MYO16: variants seen among roughly 807,000 people sequenced by gnomAD.
MYO16 encodes the protein unconventional myosin-XVI.
In MYO16, 94 loss-of-function variants were observed where a neutral mutation model predicts 205.3. The observed-to-expected ratio is 0.46, with a 90% CI of 0.39 to 0.54. MYO16 has a LOEUF of 0.54. Among genes scored for constraint, MYO16 ranks in the 20% least tolerant of loss-of-function variants. The pLI is 0.00. For synonymous variants in MYO16, 988 were observed against 954.0 expected (o/e 1.04, Z -0.66); for missense variants, 2,315 against 2,387.5 (o/e 0.97, Z 0.63).
At chr13:108,636,947 G>A (rs1880280125) in intron 1 of MYO16, among the ~76,000 whole-genome samples, 1 of 152,102 alleles carries the variant, frequency 6.6e-6, no homozygotes, top group Non-Finnish European at 1.5e-5. Context: ...TGAAGTCTAG[G>A]ATGTGTAAAC....
chr13:109,103,062 C>T (rs1428876508), intron 28 of MYO16, among the ~76,000 whole-genome samples: 1 of 152,076 alleles, frequency 6.6e-6, no homozygotes. Context: ...TTTATACTAC[C>T]AGACAAATAA....
At chr13:108,904,495 A>G (rs1470322822) in intron 15 of MYO16, among the ~76,000 whole-genome samples, 1 of 152,202 alleles carries the variant, frequency 6.6e-6, no homozygotes, top group Non-Finnish European at 1.5e-5. Flanking sequence ...TCATCTGAGC[A>G]TGCAAAGAGG....
intron 27 of MYO16, among the ~76,000 whole-genome samples, chr13:109,079,816 GTTC>G (rs1241444089): frequency 6.6e-6 from 1 of 151,616 alleles, no homozygotes; most frequent in Non-Finnish European, 1.5e-5. Context: ...AGCACCTACA[GTTC>G]TTATTATGGA....
the MYO16 span, among the ~76,000 whole-genome samples, chr13:108,544,307 T>C: frequency 1.3e-5 from 2 of 152,180 alleles, no homozygotes; most frequent in African/African-American, 4.8e-5. Flanking sequence ...CGTAAAACCT[T>C]AGATATGAGA....
the MYO16 span, among the ~76,000 whole-genome samples, chr13:108,495,982 G>A: frequency 6.6e-6 from 1 of 152,136 alleles, no homozygotes; most frequent in African/African-American, 2.4e-5. Context: ...CGGCGGGGCA[G>A]CCTCTCCGAG....
the MYO16 span, among the ~76,000 whole-genome samples, chr13:108,559,474 T>C: frequency 3.0e-5 from 4 of 131,772 alleles, no homozygotes; most frequent in African/African-American, 5.8e-5. Flanking sequence ...TCTTTTCTTT[T>C]TTTTTTTTTT....
At chr13:108,521,353 T>A in the MYO16 span, among the ~76,000 whole-genome samples, 1 of 152,214 alleles carries the variant, frequency 6.6e-6, no homozygotes, top group African/African-American at 2.4e-5. Flanking sequence ...CAATACAGAC[T>A]ATATAAGATT....
chr13:108,580,702 G>T, the MYO16 span, among the ~76,000 whole-genome samples: 1 of 152,134 alleles, frequency 6.6e-6, no homozygotes, highest in Middle Eastern at 3.2e-3. Context: ...ATCTCTACAG[G>T]TGGAAGTGGA....
chr13:108,746,450 G>T (rs929993308), intron 4 of MYO16, among the ~76,000 whole-genome samples: 1 of 151,938 alleles, frequency 6.6e-6, no homozygotes, highest in South Asian at 2.1e-4. Context: ...ATAAGATGTA[G>T]AATTTAATAG....
At position 109,140,460 on chromosome 13, in the gene MYO16, C is replaced by T. The variant is rs749112967; in HGVS notation, c.4248C>T (p.Cys1416=). 5 of 1,538,110 alleles carry T rather than the reference C, an allele frequency of 3.3e-6. No homozygotes were observed. The highest frequency in any genetic ancestry group is 4.3e-6 in the Non-Finnish European group (5 of 1,150,726). The stretch of plus-strand genomic sequence containing the variant: ...TTCTGACCCCCGGGACTCCGCAGTG[C>T]GCGCTGCCCCCGGCGGCGCCTCCGG... The part of the protein sequence containing the change: ...ARVLTPGTPQ[C]ALPPAAPPGD... Residue 1416 remains cysteine, a synonymous_variant, in exon 32 of 35, where the codon TGC becomes TGT. Transcript: ENST00000457511. The surrounding 1 kb of genome is among the most constrained non-coding windows in gnomAD (Gnocchi z 8.0).
chr13:108,890,822 A>G (rs961688776), intron 14 of MYO16, among the ~76,000 whole-genome samples: 13 of 152,156 alleles, frequency 8.5e-5, no homozygotes, highest in South Asian at 2.1e-4. Flanking sequence ...CTTTCTGGCA[A>G]TGTTACATTT....
intron 17 of MYO16, among the ~76,000 whole-genome samples, chr13:108,961,084 G>C (rs1170851484): frequency 6.6e-6 from 1 of 152,144 alleles, no homozygotes; most frequent in African/African-American, 2.4e-5. Flanking sequence ...AGATAGCGAA[G>C]AAATGAACAC....
intron 16 of MYO16, among the ~76,000 whole-genome samples, chr13:108,920,952 G>A (rs1168373426): frequency 1.3e-5 from 2 of 152,190 alleles, no homozygotes; most frequent in East Asian, 3.9e-4. Context: ...AGTTTGCAGA[G>A]CGTGGCCCAA....
chr13:109,044,305 G>GA (rs1381140863), intron 23 of MYO16, among the ~76,000 whole-genome samples: 1 of 152,190 alleles, frequency 6.6e-6, no homozygotes, highest in East Asian at 1.9e-4. Flanking sequence ...AGCATGTTTA[G>GA]AAAGTGGAAG....
At chr13:108,828,386 G>A (rs956942903) in intron 9 of MYO16, among the ~76,000 whole-genome samples, 5 of 152,076 alleles carry the variant, frequency 3.3e-5, no homozygotes, top group African/African-American at 1.2e-4. Context: ...TCAGATCCTG[G>A]CTCTGCCATT....
intron 4 of MYO16, chr13:108,779,399 G>A (rs1350551746): frequency 9.2e-5 from 14 of 152,204 alleles, no homozygotes; most frequent in Non-Finnish European, 2.1e-4. Context: ...AAGAATGCAG[G>A]AATAGCAGAT....
chr13:108,495,788 C>T, the MYO16 span, among the ~76,000 whole-genome samples: 15 of 151,296 alleles, frequency 9.9e-5, no homozygotes, highest in African/African-American at 3.4e-4. Context: ...GGCCTGGCTG[C>T]GCGCAACCGC....
chr13:108,941,114 C>G (rs900110519), intron 16 of MYO16, among the ~76,000 whole-genome samples: 1 of 152,014 alleles, frequency 6.6e-6, no homozygotes, highest in African/African-American at 2.4e-5. Flanking sequence ...GAAACAAAAA[C>G]GAGTGAGACA....
the MYO16 span, among the ~76,000 whole-genome samples, chr13:108,545,665 A>AT: frequency 1.6e-3 from 249 of 151,500 alleles, 2 homozygotes; most frequent in East Asian, 0.031. Context: ...AGCATCTGTT[A>AT]TTTTTTTTTA....
Sources: gnomAD v4.1 joint callset for allele counts (sites outside exome capture counted in the v4.1 genomes callset) on GRCh38, gnomAD v4.1.1 for gene constraint, Gnocchi (gnomAD v3.1) non-coding constraint, MANE v1.5 for transcripts, NCBI Gene and HGNC (gene_info 2026-07-23, HGNC 2026-07-21) for gene names.